Variants in PARM1 observed in about 807,000 individuals in gnomAD.
PARM1 encodes the protein WSC4, cell wall integrity and stress response component 4 homolog.
Under a neutral mutation model 24.6 loss-of-function variants are expected in PARM1, and 14 were observed. That is an observed-to-expected ratio of 0.57 (90% confidence interval 0.38 to 0.89). The LOEUF is 0.89. PARM1 is among the 40% of genes least tolerant of loss of function. The probability of loss-of-function intolerance (pLI) is 0.00; values close to 1 mark genes in which losing one functional copy is unlikely to be tolerated. For missense variants in PARM1, 362 were observed against 380.4 expected (o/e 0.95, Z 0.40); for synonymous variants, 179 against 156.6 (o/e 1.14, Z -1.07).
chr4:74,957,344 G>T (rs908023320), intron 1 of PARM1: 1 of 152,146 alleles, frequency 6.6e-6, no homozygotes, highest in African/African-American at 2.4e-5. Context: ...TCTTATCTGG[G>T]CTTTAATGTC....
chr4:74,989,917 A>G (rs1722433488), intron 1 of PARM1, among the ~76,000 whole-genome samples: 1 of 152,128 alleles, frequency 6.6e-6, no homozygotes, highest in Non-Finnish European at 1.5e-5. Context: ...TGCTGTGTGG[A>G]TTGTATTGGT....
At chr4:74,987,154 T>C (rs1722373407) in intron 1 of PARM1, among the ~76,000 whole-genome samples, 1 of 152,216 alleles carries the variant, frequency 6.6e-6, no homozygotes. Context: ...TGTGATAAGA[T>C]GTCTTCCCAA....
At chr4:75,000,472 A>T (rs1169908280) in intron 1 of PARM1, among the ~76,000 whole-genome samples, 1 of 152,156 alleles carries the variant, frequency 6.6e-6, no homozygotes, top group Non-Finnish European at 1.5e-5. Flanking sequence ...CATCATTCTT[A>T]GTGGGTTTAC....
chr4:74,953,417 G>T (rs1309249773), intron 1 of PARM1, among the ~76,000 whole-genome samples: 1 of 152,200 alleles, frequency 6.6e-6, no homozygotes, highest in Non-Finnish European at 1.5e-5. Context: ...CTGAGTTCAT[G>T]CTGAGATAAA....
At chr4:75,021,341 A>T (rs1723085026) in intron 2 of PARM1, among the ~76,000 whole-genome samples, 1 of 151,826 alleles carries the variant, frequency 6.6e-6, no homozygotes, top group African/African-American at 2.4e-5. Context: ...CTCTCTTCTC[A>T]CCATTCTGAC....
At chr4:75,025,091 G>A (rs1222033322) in intron 2 of PARM1, among the ~76,000 whole-genome samples, 2 of 152,204 alleles carry the variant, frequency 1.3e-5, no homozygotes, top group Admixed American at 6.5e-5. Context: ...ACAACAAAAA[G>A]CTCTTCTCTC....
intron 1 of PARM1, among the ~76,000 whole-genome samples, chr4:74,985,930 G>A (rs1722347429): frequency 6.6e-6 from 1 of 151,896 alleles, no homozygotes; most frequent in South Asian, 2.1e-4. Context: ...CACCACGCCC[G>A]GCTAATTTTT....
chr4:74,971,224 G>C (rs535022796), intron 1 of PARM1, among the ~76,000 whole-genome samples: 1 of 152,288 alleles, frequency 6.6e-6, no homozygotes, highest in Admixed American at 6.5e-5. Flanking sequence ...AGGAGCAAAG[G>C]CATGTCCTAC....
intron 2 of PARM1, among the ~76,000 whole-genome samples, chr4:75,015,407 G>A (rs896764435): frequency 6.6e-6 from 1 of 152,198 alleles, no homozygotes; most frequent in African/African-American, 2.4e-5. Flanking sequence ...ATGCTTAAAT[G>A]ACTGGGGAAG....
At chr4:74,972,848 T>C (rs1722064684) in intron 1 of PARM1, among the ~76,000 whole-genome samples, 1 of 152,182 alleles carries the variant, frequency 6.6e-6, no homozygotes, top group Admixed American at 6.6e-5. Flanking sequence ...TAAGGGGAAA[T>C]GAAGACTTAC....
At chr4:74,943,141 G>T (rs1318652637) in intron 1 of PARM1, among the ~76,000 whole-genome samples, 1 of 152,230 alleles carries the variant, frequency 6.6e-6, no homozygotes, top group South Asian at 2.1e-4. Flanking sequence ...TCTTAAAATT[G>T]TAGTCTGTTC....
At chr4:74,933,407 G>T (rs567778328) in intron 1 of PARM1, 37 bp downstream of exon 1, 1 of 1,597,908 alleles carries the variant, frequency 6.3e-7, no homozygotes, top group East Asian at 2.2e-5. Context: ...GCAGGTCGCG[G>T]GGTGGGCCCC....
At chr4:74,963,654 G>C (rs1440038083) in intron 1 of PARM1, among the ~76,000 whole-genome samples, 1 of 152,146 alleles carries the variant, frequency 6.6e-6, no homozygotes, top group Non-Finnish European at 1.5e-5. Flanking sequence ...CTAGGGAGAG[G>C]AAAGAAATAG....
rs1723647302 is a variant in PARM1 at position 75,048,194 on chromosome 4, AC to A, written c.*1950del. ...CAGTGCCACTTTCTACAACCTGCCA[AC>A]CCACACACTGGAGTAATTCTGAAAA... On this transcript the variant is annotated 3_prime_UTR_variant, in exon 4 of 4. Coordinates refer to ENST00000307428, the MANE Select transcript of PARM1 (RefSeq NM_015393.4). 2.0e-5 allele frequency: 3 copies of A among 152,082 alleles called. No homozygotes were observed. Among genetic ancestry groups the A allele is most frequent in the African/African-American group, 7.2e-5 (3 of 41,400 alleles). 9.4% of individuals were successfully genotyped at this position (152,082 alleles called of 1,614,324 possible). A position where few individuals can be genotyped will look rare whatever the true frequency, so the allele number is the denominator to read the frequency against.
At chr4:74,989,976 G>A (rs912690119) in intron 1 of PARM1, among the ~76,000 whole-genome samples, 2 of 152,124 alleles carry the variant, frequency 1.3e-5, no homozygotes, top group African/African-American at 4.8e-5. Flanking sequence ...TCATGGAAAT[G>A]TAGAAAAAAT....
chr4:74,949,782 G>A (rs1474938003), intron 1 of PARM1, among the ~76,000 whole-genome samples: 1 of 151,422 alleles, frequency 6.6e-6, no homozygotes, highest in African/African-American at 2.4e-5. Flanking sequence ...CATGTCCTGT[G>A]GAAATGAAGG....
At chr4:74,964,553 GCACA>G (rs35380033) in intron 1 of PARM1, among the ~76,000 whole-genome samples, 37 of 143,374 alleles carry the variant, frequency 2.6e-4, no homozygotes, top group South Asian at 1.1e-3. Context: ...ACCTGGCAAA[GCACA>G]CACACACACA....
At chr4:74,964,293 C>G (rs1294138780) in intron 1 of PARM1, among the ~76,000 whole-genome samples, 1 of 152,202 alleles carries the variant, frequency 6.6e-6, no homozygotes, top group African/African-American at 2.4e-5. Context: ...CATTCACAAT[C>G]TTAAACTTGG....
intron 1 of PARM1, among the ~76,000 whole-genome samples, chr4:74,934,060 G>C (rs1560767728): frequency 6.6e-6 from 1 of 152,098 alleles, no homozygotes. Flanking sequence ...CCCTCCCCCT[G>C]CACCACCTCT....
Sources: allele counts gnomAD v4.1 joint callset (sites outside exome capture counted in the v4.1 genomes callset), GRCh38; gene constraint gnomAD v4.1.1; transcripts MANE v1.5; gene names NCBI Gene and HGNC (gene_info 2026-07-23, HGNC 2026-07-21).